The following SRBD1 variants were observed in gnomAD, a reference collection of about 807,000 sequenced individuals.
The protein encoded by SRBD1 is S1 RNA binding domain 1.
A neutral mutation model predicts 115.3 loss-of-function variants in SRBD1; 88 were observed. The observed-to-expected ratio is 0.76, with a 90% CI of 0.64 to 0.91. The LOEUF is 0.91. SRBD1 is among the 40% of genes least tolerant of loss of function. SRBD1 has a pLI of 0.00. For missense variants in SRBD1, 1,385 were observed against 1,177.4 expected, an observed-to-expected ratio of 1.18 and a Z score of -2.58; for synonymous variants, 509 against 407.7, an observed-to-expected ratio of 1.25 and a Z score of -2.99.
intron 14 of SRBD1, among the ~76,000 whole-genome samples, chr2:45,506,411 A>G (rs1193549838): frequency 6.6e-6 from 1 of 152,184 alleles, no homozygotes; most frequent in Admixed American, 6.5e-5. Context: ...TTAACATAAA[A>G]CAGTGCCAAC....
intron 9 of SRBD1, 60 bp from the exon 10 acceptor site, chr2:45,562,816 G>A (rs1672714503): frequency 1.4e-5 from 16 of 1,118,592 alleles, no homozygotes; most frequent in South Asian, 1.2e-4. Flanking sequence ...CAAATCAGGC[G>A]ACTATGTAGC....
At chr2:45,499,595 C>T (rs778020072) in intron 14 of SRBD1, among the ~76,000 whole-genome samples, 2 of 152,144 alleles carry the variant, frequency 1.3e-5, no homozygotes, top group Admixed American at 6.5e-5. Flanking sequence ...AGCATTTCCC[C>T]CAATGTTTTC....
chr2:45,585,750 C>T lies in SRBD1; in HGVS notation c.673G>A (p.Glu225Lys), dbSNP rs1402266009. 1.2e-6 allele frequency: 2 copies of T among 1,602,714 alleles called. No homozygotes were observed. Among genetic ancestry groups the T allele is most frequent in the South Asian group, 2.3e-5 (2 of 88,132 alleles). Residue 225 changes from glutamate (E) to lysine (K), a missense_variant, in exon 5 of 21, where the codon GAA becomes AAA. By Grantham distance (56) the Glu-to-Lys change is moderately conservative. Transcript: ENST00000263736. ...VQVLSERTNI[E>K]PWVCANIIRL... The stretch of plus-strand genomic sequence containing the variant: ...ATGATGTTGGCACAAACCCAAGGTT[C>T]AATATTAGTTCTCTCAGATAAAACC...
At chr2:45,419,509 T>C (rs1327416307) in intron 17 of SRBD1, among the ~76,000 whole-genome samples, 2 of 152,218 alleles carry the variant, frequency 1.3e-5, no homozygotes, top group African/African-American at 4.8e-5. Flanking sequence ...CTCTTTTCCA[T>C]GTTAACCTTA....
intron 14 of SRBD1, among the ~76,000 whole-genome samples, chr2:45,534,864 G>C (rs1171691269): frequency 6.6e-6 from 1 of 151,730 alleles, no homozygotes; most frequent in South Asian, 2.1e-4. Flanking sequence ...AAAAGAAAAA[G>C]GTCCAGGTGG....
chr2:45,594,566 G>GCTGAA (rs1190755074), intron 4 of SRBD1, among the ~76,000 whole-genome samples: 2 of 152,210 alleles, frequency 1.3e-5, no homozygotes, highest in African/African-American at 4.8e-5. Flanking sequence ...GGGAGAAAGG[G>GCTGAA]CTGAAAAGGA....
At chr2:45,457,135 CTG>C (rs920908097) in intron 16 of SRBD1, among the ~76,000 whole-genome samples, 1 of 151,742 alleles carries the variant, frequency 6.6e-6, no homozygotes, top group African/African-American at 2.4e-5. Context: ...AAATATAAAA[CTG>C]TAACAATATC....
rs1327390240 is a variant in SRBD1 at position 45,418,557 on chromosome 2, A to G, written c.2157-16T>C. 3 of 1,588,800 alleles carry G rather than the reference A, an allele frequency of 1.9e-6. No individual in the cohort carries two copies. Among genetic ancestry groups the G allele is most frequent in the East Asian group, 2.2e-5 (1 of 44,754 alleles). ...TGCAATATGCCTAGAAAAAAAAAAT[A>G]AGCAAACTGAAAAAAAGATCTCATC... On this transcript the variant is annotated splice_polypyrimidine_tract_variant and intron_variant, in intron 17 of 20. Coordinates refer to ENST00000263736, the MANE Select transcript of SRBD1 (RefSeq NM_018079.5).
At chr2:45,431,738 G>T (rs368932568) in intron 16 of SRBD1, among the ~76,000 whole-genome samples, 20 of 152,158 alleles carry the variant, frequency 1.3e-4, no homozygotes, top group African/African-American at 4.8e-4. Context: ...TATCAAACCT[G>T]CATGTGCTGT....
intron 14 of SRBD1, among the ~76,000 whole-genome samples, chr2:45,521,286 AACAC>A (rs71394840): frequency 2.7e-4 from 40 of 146,422 alleles, no homozygotes; most frequent in South Asian, 1.1e-3. Flanking sequence ...CAAAAAGGAA[AACAC>A]ACACACACAC....
chr2:45,553,760 T>C, intron 10 of SRBD1, 30 bp from the exon 11 acceptor site: 2 of 1,433,682 alleles, frequency 1.4e-6, no homozygotes, highest in Non-Finnish European at 9.4e-7. Context: ...ACACTAAAAC[T>C]GATGCAACAA....
chr2:45,510,752 C>T (rs547506911), intron 14 of SRBD1, among the ~76,000 whole-genome samples: 3 of 152,174 alleles, frequency 2.0e-5, no homozygotes, highest in African/African-American at 4.8e-5. Context: ...AGAGTAGCTA[C>T]CAATTAGTAA....
Position 45,599,745 on chromosome 2 carries a change from G to A in SRBD1, c.352C>T (p.Gln118Ter). The A allele has an allele frequency of 6.2e-7, 1 of 1,614,086 alleles. No homozygotes were observed. Among genetic ancestry groups the A allele is most frequent in the South Asian group, 1.1e-5 (1 of 91,082 alleles). ...VQTLKTAKTK[Q>*]KCAAQPHTVR... is the part of the protein sequence containing the mutation. Reference sequence around the variant, plus strand: ...GTATGTGGCTGCGCTGCACATTTCTGTTTTGTCTTGGCTGTTTTCAGAGTC... The same window carrying A: ...GTATGTGGCTGCGCTGCACATTTCTATTTTGTCTTGGCTGTTTTCAGAGTC... The change falls in exon 4 of 21, where the codon CAG (glutamine) becomes TAG (stop). Residue 118 changes from glutamine (Q) to a stop codon, truncating the protein, a stop_gained. Coordinates refer to ENST00000263736, the MANE Select transcript of SRBD1 (RefSeq NM_018079.5). LOFTEE classifies it high-confidence loss of function.
At chr2:45,511,962 A>C (rs1362436756) in intron 14 of SRBD1, among the ~76,000 whole-genome samples, 2 of 152,208 alleles carry the variant, frequency 1.3e-5, no homozygotes, top group Non-Finnish European at 2.9e-5. Context: ...TCTCCTTTCT[A>C]GTTGAAATAC....
intron 14 of SRBD1, among the ~76,000 whole-genome samples, chr2:45,520,926 A>T (rs1671262660): frequency 6.6e-6 from 1 of 152,214 alleles, no homozygotes; most frequent in Non-Finnish European, 1.5e-5. Context: ...GGGATACAGA[A>T]AGCTATTGCA....
intron 14 of SRBD1, among the ~76,000 whole-genome samples, 184 bp downstream of exon 14, chr2:45,546,548 T>C (rs958180660): frequency 1.6e-4 from 25 of 152,214 alleles, no homozygotes; most frequent in African/African-American, 5.5e-4. Context: ...TAATCATTCC[T>C]GTCTCAAATT....
chr2:45,483,017 C>A (rs573289431), intron 15 of SRBD1, among the ~76,000 whole-genome samples: 11 of 152,068 alleles, frequency 7.2e-5, no homozygotes, highest in African/African-American at 2.7e-4. Flanking sequence ...TCCGTGGGCA[C>A]GTGCACAGGG....
chr2:45,496,718 A>C (rs533544250), intron 14 of SRBD1, among the ~76,000 whole-genome samples: 6 of 152,172 alleles, frequency 3.9e-5, no homozygotes, highest in Admixed American at 3.3e-4. Flanking sequence ...ACATTTGTTT[A>C]TCTCTCTCCC....
chr2:45,452,678 G>C (rs1334277556), intron 16 of SRBD1, among the ~76,000 whole-genome samples: 1 of 151,876 alleles, frequency 6.6e-6, no homozygotes, highest in South Asian at 2.1e-4. Context: ...TAGTACTATA[G>C]CATTCATAGA....
Sources: gnomAD v4.1 joint callset for allele counts (sites outside exome capture counted in the v4.1 genomes callset) on GRCh38, gnomAD v4.1.1 for gene constraint, MANE v1.5 for transcripts, NCBI Gene and HGNC (gene_info 2026-07-23, HGNC 2026-07-21) for gene names.